NHERF2: variants seen among roughly 807,000 people sequenced by gnomAD.
NHERF2 encodes NHERF family PDZ scaffold protein 2, also known as Na(+)/H(+) exchange regulatory cofactor NHE-RF2.
At chr16:2,027,606 T>C in the NHERF2 span, among the ~76,000 whole-genome samples, 1 of 152,218 alleles carries the variant, frequency 6.6e-6, no homozygotes, top group Non-Finnish European at 1.5e-5. Context: ...TGTATGCAGG[T>C]CCCTTTGGGG....
chr16:2,036,411 GAC>G, the NHERF2 span: 1 of 1,608,956 alleles, frequency 6.2e-7, no homozygotes, highest in Non-Finnish European at 8.5e-7. Context: ...CCTGCATAGT[GAC>G]AAGTCCCGGC....
chr16:2,035,281 T>G, the NHERF2 span: 100 of 443,184 alleles, frequency 2.3e-4, no homozygotes, highest in South Asian at 3.7e-4. Flanking sequence ...TTCTGGTCCA[T>G]TGGGGTTTGG....
At chr16:2,038,400 ACC>A in the NHERF2 span, 177 of 336,068 alleles carry the variant, frequency 5.3e-4, 1 homozygote, top group African/African-American at 2.9e-3. Flanking sequence ...AATACCAGAG[ACC>A]CCCCCCCTTC....
At chr16:2,036,479 C>G in the NHERF2 span, 1 of 1,597,514 alleles carries the variant, frequency 6.3e-7, no homozygotes. Context: ...GCTCTGGCCT[C>G]CGCGCCCAGG....
chr16:2,035,939 G>T, the NHERF2 span: 216 of 212,616 alleles, frequency 1.0e-3, no homozygotes, highest in Admixed American at 3.9e-3. Context: ...CTGGAGGAGA[G>T]CCCGGGGCAG....
At chr16:2,036,830 G>C in the NHERF2 span, 2 of 1,613,210 alleles carry the variant, frequency 1.2e-6, no homozygotes, top group Non-Finnish European at 1.7e-6. Context: ...CCCCGAGACA[G>C]ATGAACACTT....
At chr16:2,032,873 C>G in the NHERF2 span, 1 of 1,019,464 alleles carries the variant, frequency 9.8e-7, no homozygotes. This position sits in a 1 kb window ranked among gnomAD's most constrained non-coding sequence, Gnocchi z 4.0. Flanking sequence ...TGCCCCTAGC[C>G]CATGTCTCCA....
At chr16:2,032,757 C>T in the NHERF2 span, 72 of 969,108 alleles carry the variant, frequency 7.4e-5, no homozygotes, top group African/African-American at 1.2e-3. The surrounding 1 kb of genome is among the most constrained non-coding windows in gnomAD (Gnocchi z 4.0). Context: ...AGCTGCAGTG[C>T]AGCTGATCCT....
the NHERF2 span, chr16:2,037,390 C>T: frequency 1.3e-6 from 1 of 776,912 alleles, no homozygotes; most frequent in East Asian, 2.7e-5. Context: ...CGGTGCCTGC[C>T]CCGCCGCATC....
At chr16:2,035,170 A>G in the NHERF2 span, among the ~76,000 whole-genome samples, 1 of 152,170 alleles carries the variant, frequency 6.6e-6, no homozygotes, top group East Asian at 1.9e-4. Flanking sequence ...GGTGTTCCAG[A>G]CCAAGGGCAG....
At chr16:2,034,213 C>T in the NHERF2 span, among the ~76,000 whole-genome samples, 22,078 of 152,208 alleles carry the variant, frequency 0.15, 2,045 homozygotes, top group Non-Finnish European at 0.2. Context: ...TGTGTGTGGA[C>T]GTCTTGTGTC....
the NHERF2 span, among the ~76,000 whole-genome samples, chr16:2,032,022 CTTTTTTTTT>C: frequency 1.4e-5 from 2 of 141,876 alleles, no homozygotes; most frequent in African/African-American, 5.2e-5. The surrounding 1 kb of genome is among the most constrained non-coding windows in gnomAD (Gnocchi z 4.0). Flanking sequence ...TTCTTTCTTT[CTTTTTTTTT>C]TTTTTTGAGA....
chr16:2,036,832 T>C, the NHERF2 span: 5 of 1,612,228 alleles, frequency 3.1e-6, no homozygotes, highest in Admixed American at 1.7e-5. Context: ...CCGAGACAGA[T>C]GAACACTTCA....
At chr16:2,036,876 T>C in the NHERF2 span, 6 of 1,608,468 alleles carry the variant, frequency 3.7e-6, no homozygotes, top group African/African-American at 6.7e-5. Context: ...GAGGAGCACG[T>C]GGAAGGTGGG....
At chr16:2,037,864 C>A in the NHERF2 span, 2 of 1,601,022 alleles carry the variant, frequency 1.2e-6, no homozygotes, top group Non-Finnish European at 8.5e-7. Context: ...TCCAGGAGAG[C>A]GGCCTCCACC....
At chr16:2,035,294 C>A in the NHERF2 span, 2 of 620,070 alleles carry the variant, frequency 3.2e-6, no homozygotes, top group Admixed American at 6.3e-5. Context: ...GGGTTTGGAG[C>A]GAGCTTGAAG....
the NHERF2 span, chr16:2,036,799 G>C: frequency 6.2e-7 from 1 of 1,613,494 alleles, no homozygotes; most frequent in Non-Finnish European, 8.5e-7. Flanking sequence ...GGGAGGACGA[G>C]GCCCGGCTGC....
At chr16:2,027,544 C>T in the NHERF2 span, among the ~76,000 whole-genome samples, 3 of 152,254 alleles carry the variant, frequency 2.0e-5, no homozygotes, top group Non-Finnish European at 2.9e-5. Flanking sequence ...GACCTGGGTG[C>T]TTTTGCCTGG....
the NHERF2 span, chr16:2,027,233 TCGCCCCCGGCCCGC>T: frequency 1.6e-5 from 21 of 1,289,874 alleles, no homozygotes; most frequent in Non-Finnish European, 2.1e-5. Context: ...GGGCCAGCGC[TCGCCCCCGGCCCGC>T]CGCCCCCTCC....
Sources: gnomAD v4.1 joint callset for allele counts (sites outside exome capture counted in the v4.1 genomes callset) on GRCh38, gnomAD v4.1.1 for gene constraint, Gnocchi (gnomAD v3.1) non-coding constraint, MANE v1.5 for transcripts, NCBI Gene and HGNC (gene_info 2026-07-23, HGNC 2026-07-21) for gene names.